REDIC1: variants seen among roughly 807,000 people sequenced by gnomAD.
REDIC1 encodes the protein regulator of DNA class I crossover intermediates 1, also known as HEI10 Interacting Protein 1.
At chr12:39,715,644 T>A in the REDIC1 span, among the ~76,000 whole-genome samples, 1 of 151,796 alleles carries the variant, frequency 6.6e-6, no homozygotes, top group Non-Finnish European at 1.5e-5. Context: ...AGATAACAAA[T>A]CTGGACACAT....
chr12:39,786,269 G>A, the REDIC1 span, among the ~76,000 whole-genome samples: 2 of 152,024 alleles, frequency 1.3e-5, no homozygotes, highest in South Asian at 2.1e-4. Flanking sequence ...TCGTGATAGC[G>A]AATAAGTCTC....
At chr12:39,851,295 T>C in the REDIC1 span, among the ~76,000 whole-genome samples, 1 of 152,312 alleles carries the variant, frequency 6.6e-6, no homozygotes, top group East Asian at 1.9e-4. Flanking sequence ...CAGTTCTTCT[T>C]ATGAAATAAC....
At chr12:39,684,248 T>C in the REDIC1 span, 8 of 986,486 alleles carry the variant, frequency 8.1e-6, no homozygotes, top group Non-Finnish European at 9.7e-6. Context: ...CCTGCAATTA[T>C]AAGTAACTAA....
the REDIC1 span, among the ~76,000 whole-genome samples, chr12:39,882,037 A>G: frequency 6.6e-6 from 1 of 152,140 alleles, no homozygotes; most frequent in East Asian, 1.9e-4. Flanking sequence ...CTCAAGGCTC[A>G]CTTACTTGAA....
At chr12:39,853,298 C>A in the REDIC1 span, among the ~76,000 whole-genome samples, 192 of 152,194 alleles carry the variant, frequency 1.3e-3, 2 homozygotes, top group African/African-American at 4.3e-3. Context: ...AAGGCTGAAC[C>A]ACTGTGGGTG....
the REDIC1 span, among the ~76,000 whole-genome samples, chr12:39,851,120 G>A: frequency 1.2e-4 from 19 of 152,112 alleles, no homozygotes; most frequent in East Asian, 1.9e-4. Flanking sequence ...GGCTGGTCTC[G>A]AACTCCCGAC....
chr12:39,878,088 C>A, the REDIC1 span, among the ~76,000 whole-genome samples: 2 of 152,204 alleles, frequency 1.3e-5, no homozygotes, highest in Admixed American at 1.3e-4. Context: ...TCCCAAGAAG[C>A]TAAGCAGATG....
the REDIC1 span, among the ~76,000 whole-genome samples, chr12:39,665,709 G>A: frequency 2.0e-5 from 3 of 151,080 alleles, no homozygotes; most frequent in African/African-American, 7.3e-5. Flanking sequence ...CCATGAGCAT[G>A]GAATGTTCTT....
chr12:39,626,504 C>A, the REDIC1 span: 1 of 1,010,146 alleles, frequency 9.9e-7, no homozygotes. Flanking sequence ...GGGTTGGAGA[C>A]TCTAGAACCA....
chr12:39,719,339 G>A, the REDIC1 span, among the ~76,000 whole-genome samples: 1 of 152,028 alleles, frequency 6.6e-6, no homozygotes, highest in Non-Finnish European at 1.5e-5. Context: ...ATAAGAAATA[G>A]CACTTAGCCA....
chr12:39,653,603 CT>C, the REDIC1 span, among the ~76,000 whole-genome samples: 199 of 125,878 alleles, frequency 1.6e-3, 1 homozygote, highest in Admixed American at 1.8e-3. Flanking sequence ...TCTTCTTCTT[CT>C]TTTTTTTTTG....
At chr12:39,896,576 G>GTGTATATATGTATACATATATGTATGTA in the REDIC1 span, among the ~76,000 whole-genome samples, 3 of 97,566 alleles carry the variant, frequency 3.1e-5, no homozygotes, top group African/African-American at 1.2e-4. Flanking sequence ...ATGTATGTAT[G>GTGTATATATGTATACATATATGTATGTA]TGTGTATATA....
chr12:39,896,279 C>T, the REDIC1 span, among the ~76,000 whole-genome samples: 21 of 79,958 alleles, frequency 2.6e-4, no homozygotes, highest in Admixed American at 1.7e-3. Flanking sequence ...TATATGTATA[C>T]ATGTATGTAT....
At chr12:39,670,262 C>A in the REDIC1 span, among the ~76,000 whole-genome samples, 1 of 152,188 alleles carries the variant, frequency 6.6e-6, no homozygotes, top group South Asian at 2.1e-4. Flanking sequence ...GGCATCTCAG[C>A]TCACTGCAAC....
chr12:39,670,280 T>C, the REDIC1 span, among the ~76,000 whole-genome samples: 3 of 152,322 alleles, frequency 2.0e-5, no homozygotes, highest in East Asian at 5.8e-4. Context: ...AACCTCTGCC[T>C]CCTGGGAGCA....
At chr12:39,773,773 A>G in the REDIC1 span, among the ~76,000 whole-genome samples, 28,730 of 152,112 alleles carry the variant, frequency 0.19, 3,147 homozygotes, top group East Asian at 0.4. Flanking sequence ...AAAACTTCCA[A>G]CTTCATATAT....
the REDIC1 span, among the ~76,000 whole-genome samples, chr12:39,644,096 C>T: frequency 7.4e-3 from 1,128 of 151,628 alleles, 15 homozygotes; most frequent in African/African-American, 0.025. Context: ...TTGCTTAATC[C>T]AATTTTTATT....
the REDIC1 span, among the ~76,000 whole-genome samples, chr12:39,779,965 T>C: frequency 1.3e-5 from 2 of 152,234 alleles, no homozygotes; most frequent in African/African-American, 4.8e-5. Context: ...ACTTTCTTTA[T>C]TGGATTCTTT....
the REDIC1 span, among the ~76,000 whole-genome samples, chr12:39,632,736 G>A: frequency 2.0e-5 from 3 of 152,102 alleles, no homozygotes; most frequent in East Asian, 5.8e-4. Context: ...TTGCTTCTAA[G>A]CTACAAACCT....
Sources: gnomAD v4.1 joint callset for allele counts (sites outside exome capture counted in the v4.1 genomes callset) on GRCh38, gnomAD v4.1.1 for gene constraint, MANE v1.5 for transcripts, NCBI Gene and HGNC (gene_info 2026-07-23, HGNC 2026-07-21) for gene names.